MSRA: variants seen among roughly 807,000 people sequenced by gnomAD.
MSRA encodes methionine sulfoxide reductase A, also known as mitochondrial peptide methionine sulfoxide reductase.
In MSRA, 54 loss-of-function variants were observed where a neutral mutation model predicts 31.3. The observed-to-expected ratio is 1.73, with a 90% CI of 1.39 to 2.17. MSRA has a LOEUF of 2.17. Ranked by LOEUF, MSRA falls within the 30% of genes most tolerant of loss-of-function variation. The probability of loss-of-function intolerance (pLI) is 0.00; values close to 1 mark genes in which losing one functional copy is unlikely to be tolerated. For missense variants in MSRA, 507 were observed against 300.9 expected (o/e 1.69, Z -5.07); for synonymous variants, 169 against 116.5 (o/e 1.45, Z -2.90).
chr8:10,141,595 G>A (rs1296536807), intron 1 of MSRA, among the ~76,000 whole-genome samples: 1 of 152,152 alleles, frequency 6.6e-6, no homozygotes, highest in East Asian at 1.9e-4. Flanking sequence ...CCAGCCTTCT[G>A]GCTTCTGCTG....
intron 5 of MSRA, among the ~76,000 whole-genome samples, chr8:10,386,163 G>A (rs1466590588): frequency 6.6e-6 from 1 of 152,172 alleles, no homozygotes; most frequent in Non-Finnish European, 1.5e-5. Context: ...TAATTCTTAT[G>A]CAGTTCTCTG....
chr8:10,373,802 C>G (rs1472529152), intron 5 of MSRA, among the ~76,000 whole-genome samples: 1 of 152,236 alleles, frequency 6.6e-6, no homozygotes, highest in Non-Finnish European at 1.5e-5. Flanking sequence ...AGCAGAGGAG[C>G]TTAGACCTGG....
intron 1 of MSRA, among the ~76,000 whole-genome samples, chr8:10,119,066 A>T (rs151176490): frequency 2.0e-5 from 3 of 152,278 alleles, no homozygotes; most frequent in African/African-American, 7.2e-5. Context: ...TGTGAGCAGG[A>T]TGGATCTAGG....
intron 2 of MSRA, among the ~76,000 whole-genome samples, chr8:10,241,779 T>C (rs1812436265): frequency 1.3e-5 from 2 of 152,202 alleles, no homozygotes; most frequent in South Asian, 4.1e-4. Context: ...GAGGATCAAG[T>C]CTGAGTCTGA....
At chr8:10,078,666 G>A (rs142517177) in intron 1 of MSRA, among the ~76,000 whole-genome samples, 1 of 152,358 alleles carries the variant, frequency 6.6e-6, no homozygotes, top group East Asian at 1.9e-4. Context: ...TGAGGCCCAC[G>A]GGAGGAGGCA....
chr8:10,215,844 T>C (rs1043676534), intron 2 of MSRA, among the ~76,000 whole-genome samples: 2 of 152,234 alleles, frequency 1.3e-5, no homozygotes, highest in Non-Finnish European at 2.9e-5. Context: ...GACTGACGTT[T>C]TTTCCTTTAA....
At chr8:10,419,041 C>T (rs958064392) in intron 5 of MSRA, among the ~76,000 whole-genome samples, 4 of 152,072 alleles carry the variant, frequency 2.6e-5, no homozygotes, top group Non-Finnish European at 5.9e-5. Context: ...CATCCTTGTG[C>T]GCACAAACAC....
chr8:10,283,640 G>A (rs914021671), intron 3 of MSRA, among the ~76,000 whole-genome samples: 11 of 150,460 alleles, frequency 7.3e-5, no homozygotes, highest in African/African-American at 2.7e-4. Context: ...TCATTCTTAT[G>A]CCTTTGCATC....
rs546814321 is a variant in MSRA, at chr8:10,421,160, G to A, written c.544-6988G>A. 3.9e-5 allele frequency among the ~76,000 whole-genome samples: 6 copies of A among 152,236 alleles called. No individual in the cohort carries two copies. The East Asian group carries it at 1.2e-3, about 29-fold the overall frequency. Reference sequence around the variant, plus strand: ...ATTTTATAACCTACTGGGCTCCTGGGGCAGGGCGGCATCCTTGTCTAGCCA... The same window carrying A: ...ATTTTATAACCTACTGGGCTCCTGGAGCAGGGCGGCATCCTTGTCTAGCCA... On this transcript the variant is annotated intron_variant, in intron 5 of 5. Transcript: ENST00000317173.
At chr8:10,236,577 C>T (rs1811962013) in intron 2 of MSRA, among the ~76,000 whole-genome samples, 1 of 152,206 alleles carries the variant, frequency 6.6e-6, no homozygotes, top group African/African-American at 2.4e-5. Flanking sequence ...TGGAGTCTCA[C>T]TCGCTCACTC....
At chr8:10,098,681 T>C (rs115576179) in intron 1 of MSRA, among the ~76,000 whole-genome samples, 86 of 152,330 alleles carry the variant, frequency 5.6e-4, no homozygotes, top group African/African-American at 1.9e-3. Context: ...ATCAGGAGAT[T>C]AGTTGTATTA....
chr8:10,170,336 T>C (rs898159455), intron 1 of MSRA, among the ~76,000 whole-genome samples: 1 of 152,136 alleles, frequency 6.6e-6, no homozygotes, highest in African/African-American at 2.4e-5. Flanking sequence ...TTAGTGCTCT[T>C]ATAAGAAAGG....
chr8:10,086,049 T>G (rs1279175940), intron 1 of MSRA, among the ~76,000 whole-genome samples: 2 of 152,226 alleles, frequency 1.3e-5, no homozygotes, highest in South Asian at 2.1e-4. Context: ...AGCCCATGTC[T>G]TCATTTCTCA....
intron 3 of MSRA, among the ~76,000 whole-genome samples, chr8:10,278,934 G>T (rs1438874129): frequency 6.6e-6 from 1 of 152,198 alleles, no homozygotes. Flanking sequence ...AGTCAGGACA[G>T]TTCTGCTAGT....
intron 4 of MSRA, among the ~76,000 whole-genome samples, chr8:10,301,898 T>C (rs1489362822): frequency 6.6e-6 from 1 of 152,128 alleles, no homozygotes; most frequent in Non-Finnish European, 1.5e-5. Context: ...CGCCAGACAA[T>C]AGCGATCCGT....
At chr8:10,228,488 C>T (rs1258028043) in intron 2 of MSRA, among the ~76,000 whole-genome samples, 1 of 152,138 alleles carries the variant, frequency 6.6e-6, no homozygotes, top group Non-Finnish European at 1.5e-5. Flanking sequence ...TTATCAGGTG[C>T]CACTGAATCT....
chr8:10,214,863 C>T (rs189743992), intron 2 of MSRA, among the ~76,000 whole-genome samples: 36 of 152,218 alleles, frequency 2.4e-4, no homozygotes, highest in Admixed American at 2.0e-4. Flanking sequence ...TTTCAACTTT[C>T]GTTTTCTTCT....
intron 1 of MSRA, among the ~76,000 whole-genome samples, chr8:10,115,541 G>A (rs1585180989): frequency 6.6e-6 from 1 of 152,224 alleles, no homozygotes; most frequent in South Asian, 2.1e-4. Context: ...ACCCAGATTT[G>A]TGGTAATTTG....
At chr8:10,353,772 A>C (rs953722186) in intron 5 of MSRA, 27 of 367,978 alleles carry the variant, frequency 7.3e-5, no homozygotes, top group Non-Finnish European at 1.3e-4. Flanking sequence ...CCACTTGGAA[A>C]ATTCTTTTGA....
Sources: allele counts gnomAD v4.1 joint callset (sites outside exome capture counted in the v4.1 genomes callset), GRCh38; gene constraint gnomAD v4.1.1; transcripts MANE v1.5; gene names NCBI Gene and HGNC (gene_info 2026-07-23, HGNC 2026-07-21).